The following TRAPPC12 variants were observed in gnomAD, a reference collection of about 807,000 sequenced individuals.
TRAPPC12 encodes TPR repeat protein 15.
Under a neutral mutation model 69.2 loss-of-function variants are expected in TRAPPC12, and 61 were observed. That is an observed-to-expected ratio of 0.88 (90% CI 0.72 to 1.09). The LOEUF is 1.09. TRAPPC12 is among the 50% of genes least tolerant of loss of function. The probability of loss-of-function intolerance (pLI) is 0.00; values close to 1 mark genes in which losing one functional copy is unlikely to be tolerated. For missense variants in TRAPPC12, 1,101 were observed against 1,016.4 expected (o/e 1.08, Z -1.13); for synonymous variants, 469 against 438.9 (o/e 1.07, Z -0.86).
intron 6 of TRAPPC12, among the ~76,000 whole-genome samples, chr2:3,450,719 TAA>T (rs1664808693): frequency 6.6e-6 from 1 of 152,138 alleles, no homozygotes; most frequent in South Asian, 2.1e-4. Flanking sequence ...TTCCAAAATC[TAA>T]GTCTCTCCAG....
intron 5 of TRAPPC12, among the ~76,000 whole-genome samples, chr2:3,441,708 AT>A (rs1391585627): frequency 7.1e-6 from 1 of 140,748 alleles, no homozygotes; most frequent in Admixed American, 6.9e-5. Context: ...ATAAAATAAT[AT>A]TTTTATTATT....
At position 3,421,904 on chromosome 2, in the gene TRAPPC12, A is replaced by G. The variant is rs752732574; in HGVS notation, c.1188A>G (p.Ala396=). 1 of 1,613,836 alleles carries G rather than the reference A, an allele frequency of 6.2e-7. No homozygotes were observed. ...QLISCRNWRA[A]VDLCGRLLTA... is the part of the protein sequence containing the mutation. Reference sequence around the variant, plus strand: ...AGAGCTGCAGAAACTGGAGGGCAGCAGTGGACCTGTGCGGACGTCTCCTCA... The same window carrying G: ...AGAGCTGCAGAAACTGGAGGGCAGCGGTGGACCTGTGCGGACGTCTCCTCA... Residue 396 remains alanine, a synonymous_variant, in exon 4 of 12, where the codon GCA becomes GCG. Coordinates refer to ENST00000324266, the MANE Select transcript of TRAPPC12 (RefSeq NM_016030.6).
In TRAPPC12 at chr2:3,457,642, G is replaced by A; in HGVS notation, c.1552G>A (p.Gly518Ser). ...GCAGATCCTGGCCAATTTGGAGCAAGGCTTAGCAGAAGACGGCGGCATGAG... is the reference window on the plus strand; with the variant it reads ...GCAGATCCTGGCCAATTTGGAGCAAAGCTTAGCAGAAGACGGCGGCATGAG... ...CSKILANLEQ[G>S]LAEDGGMSSV... The change falls in exon 7 of 12, where the codon GGC becomes AGC. Residue 518 changes from glycine to serine, a missense_variant. Transcript: ENST00000324266. The A allele has an allele frequency of 6.2e-7, 1 of 1,612,704 alleles. No homozygotes were observed. Among genetic ancestry groups the A allele is most frequent in the Non-Finnish European group, 8.5e-7 (1 of 1,180,002 alleles).
At chr2:3,424,388 T>C (rs564621858) in intron 4 of TRAPPC12, 137 bp from the exon 5 acceptor site, 3 of 735,196 alleles carry the variant, frequency 4.1e-6, no homozygotes, top group East Asian at 2.8e-5. Flanking sequence ...TGTGTAAATA[T>C]GCAAAGATAG....
chr2:3,397,942 G>A (rs1661221726), intron 2 of TRAPPC12, among the ~76,000 whole-genome samples: 1 of 152,188 alleles, frequency 6.6e-6, no homozygotes, highest in African/African-American at 2.4e-5. Context: ...GGGTTCAAGA[G>A]TTCAACTCAT....
chr2:3,434,337 AT>A (rs909157514), intron 5 of TRAPPC12, among the ~76,000 whole-genome samples: 1 of 151,872 alleles, frequency 6.6e-6, no homozygotes, highest in Non-Finnish European at 1.5e-5. Flanking sequence ...TGATCTATAT[AT>A]TTTTTCTAGG....
chr2:3,387,490 T>G, intron 1 of TRAPPC12, 130 bp from the exon 2 acceptor site: 1 of 787,426 alleles, frequency 1.3e-6, no homozygotes, highest in Non-Finnish European at 2.0e-6. Flanking sequence ...TTTACCATAA[T>G]CAAAAGCACA....
chr2:3,466,190 G>A (rs1439300623), intron 9 of TRAPPC12: 1 of 445,290 alleles, frequency 2.2e-6, no homozygotes, highest in African/African-American at 2.0e-5. Flanking sequence ...GGAATATTTG[G>A]TGACAGGGAG....
intron 3 of TRAPPC12, among the ~76,000 whole-genome samples, chr2:3,420,291 C>T (rs761100491): frequency 1.4e-4 from 22 of 152,204 alleles, no homozygotes; most frequent in Non-Finnish European, 2.6e-4. Context: ...GCTACTCAGG[C>T]GTAGAGCCTG....
At position 3,387,638 on chromosome 2, in the gene TRAPPC12, C is replaced by A. The variant is rs1377038302; in HGVS notation, c.15C>A (p.Gly5=). The part of the protein sequence containing the change: MEDA[G]GGEETPAPEA... The stretch of plus-strand genomic sequence containing the variant: ...CTTTCAGGGTCATGGAGGACGCTGG[C>A]GGCGGCGAGGAGACCCCGGCCCCGG... The change falls in exon 2 of 12, where the codon GGC becomes GGA. Residue 5 remains glycine, a synonymous_variant. Transcript: ENST00000324266. The A allele has an allele frequency of 6.5e-7, 1 of 1,542,016 alleles. No homozygotes were observed. Among genetic ancestry groups the A allele is most frequent in the Non-Finnish European group, 8.8e-7 (1 of 1,140,988 alleles).
At chr2:3,407,241 T>G (rs1033413047) in intron 3 of TRAPPC12, among the ~76,000 whole-genome samples, 1 of 152,206 alleles carries the variant, frequency 6.6e-6, no homozygotes, top group African/African-American at 2.4e-5. Flanking sequence ...GTACATGCCA[T>G]TAGTTACTTG....
At chr2:3,391,363 T>C (rs545352031) in intron 2 of TRAPPC12, among the ~76,000 whole-genome samples, 1 of 152,280 alleles carries the variant, frequency 6.6e-6, no homozygotes, top group South Asian at 2.1e-4. Context: ...CGTATGACTG[T>C]GACTATTGCT....
chr2:3,409,750 T>TAAA lies in TRAPPC12; in HGVS notation c.1164+7883_1164+7885dup, dbSNP rs71396989. ...GGGCAACAAAGCAAGACTTTGTCTT[T>TAAA]AAAAAAAAAAAAAAAAAAAAAAAAA... is the stretch of plus-strand genomic sequence containing the variant. On this transcript the variant is annotated intron_variant, in intron 3 of 11. Transcript: ENST00000324266. 8.7e-3 allele frequency among the ~76,000 whole-genome samples: 479 copies of TAAA among 54,868 alleles called. 6 individuals are homozygous for TAAA. Among genetic ancestry groups the TAAA allele is most frequent in the African/African-American group, 0.023 (367 of 16,120 alleles). 36.0% of individuals were successfully genotyped at this position (54,868 alleles called of 152,430 possible). A position where few individuals can be genotyped will look rare whatever the true frequency, so the allele number is the denominator to read the frequency against.
chr2:3,388,224 C>T lies in TRAPPC12; in HGVS notation c.601C>T (p.Gln201Ter). The T allele has an allele frequency of 1.2e-6, 2 of 1,608,332 alleles. No individual in the cohort carries two copies. The highest frequency in any genetic ancestry group is 1.7e-4 in the Middle Eastern group (1 of 6,040). ...ASARTPPQVVQPSPSLSTFFG... is the reference protein window; with the variant it reads ...ASARTPPQVV ...GGCCAGGACACCGCCCCAGGTCGTGCAGCCCAGCCCCAGCCTCAGCACGTT... is the reference window on the plus strand; with the variant it reads ...GGCCAGGACACCGCCCCAGGTCGTGTAGCCCAGCCCCAGCCTCAGCACGTT... The change falls in exon 2 of 12, where the codon CAG becomes TAG. Residue 201 changes from glutamine (Q) to a stop codon, truncating the protein, a stop_gained. Transcript: ENST00000324266. LOFTEE classifies it high-confidence loss of function.
chr2:3,399,841 A>T (rs1323282458), intron 2 of TRAPPC12, among the ~76,000 whole-genome samples: 1 of 140,560 alleles, frequency 7.1e-6, no homozygotes, highest in Non-Finnish European at 1.5e-5. Context: ...CAAAAAAAAA[A>T]GGGTAGGAGA....
chr2:3,477,573 G>T (rs1409793136), intron 9 of TRAPPC12, 122 bp from the exon 10 acceptor site: 2 of 533,148 alleles, frequency 3.8e-6, no homozygotes, highest in African/African-American at 3.9e-5. Context: ...GGTTACTGAA[G>T]TTTTCCTCTG....
chr2:3,391,222 G>A (rs1660806242), intron 2 of TRAPPC12, among the ~76,000 whole-genome samples: 1 of 152,098 alleles, frequency 6.6e-6, no homozygotes. Flanking sequence ...CAGATCCTGT[G>A]CGTGTCTGTC....
chr2:3,452,711 A>G (rs954039295), intron 6 of TRAPPC12, among the ~76,000 whole-genome samples: 1 of 152,190 alleles, frequency 6.6e-6, no homozygotes, highest in Non-Finnish European at 1.5e-5. Flanking sequence ...CGTTTCAAAG[A>G]CCCACTTAAT....
chr2:3,447,586 C>T (rs1254707917), intron 6 of TRAPPC12, among the ~76,000 whole-genome samples: 7 of 152,218 alleles, frequency 4.6e-5, no homozygotes, highest in African/African-American at 1.4e-4. Context: ...CATGAGGGAT[C>T]CACCCCCAGG....
Sources: gnomAD v4.1 joint callset for allele counts (sites outside exome capture counted in the v4.1 genomes callset) on GRCh38, gnomAD v4.1.1 for gene constraint, MANE v1.5 for transcripts, NCBI Gene and HGNC (gene_info 2026-07-23, HGNC 2026-07-21) for gene names.